The following TENM2 variants were observed in gnomAD, a reference collection of about 807,000 sequenced individuals.
TENM2 encodes teneurin transmembrane protein 2, also known as teneurin-2.
Under a neutral mutation model 245.2 loss-of-function variants are expected in TENM2, and 52 were observed. That is an observed-to-expected ratio of 0.21 (90% CI 0.17 to 0.27). The LOEUF is 0.27. TENM2 is among the 10% of genes least tolerant of loss of function. TENM2 has a pLI of 1.00. For synonymous variants in TENM2, 1,363 were observed against 1,438.9 expected (o/e 0.95, Z 1.19); for missense variants, 3,046 against 3,666.8 (o/e 0.83, Z 4.37).
At chr5:167,342,516 T>TC (rs2127818061) in intron 1 of TENM2, among the ~76,000 whole-genome samples, 1 of 115,436 alleles carries the variant, frequency 8.7e-6, no homozygotes, top group South Asian at 3.3e-4. Flanking sequence ...TCTTTTTTTT[T>TC]TTTTTTTTTT....
intron 3 of TENM2, among the ~76,000 whole-genome samples, chr5:167,883,029 C>T (rs1368978887): frequency 6.6e-6 from 1 of 152,222 alleles, no homozygotes; most frequent in Non-Finnish European, 1.5e-5. Flanking sequence ...ATCCCAATAT[C>T]TGGGACATTG....
chr5:167,724,895 T>C (rs1328698676), intron 2 of TENM2, among the ~76,000 whole-genome samples: 1 of 152,140 alleles, frequency 6.6e-6, no homozygotes, highest in Admixed American at 6.5e-5. Context: ...ACAGGCTGGA[T>C]TACGGCAGGT....
the TENM2 span, among the ~76,000 whole-genome samples, chr5:167,161,310 C>T: frequency 8.5e-5 from 13 of 152,290 alleles, no homozygotes; most frequent in South Asian, 2.7e-3. Flanking sequence ...CGACTATACC[C>T]TGCTTCTCCC....
chr5:167,423,880 T>C (rs182054278), intron 2 of TENM2, among the ~76,000 whole-genome samples: 11 of 152,318 alleles, frequency 7.2e-5, no homozygotes, highest in Non-Finnish European at 2.9e-5. Flanking sequence ...TTCTTCCCAC[T>C]GGAGACCATC....
chr5:168,040,329 T>G (rs1015559337), intron 5 of TENM2, among the ~76,000 whole-genome samples: 7 of 152,216 alleles, frequency 4.6e-5, no homozygotes, highest in Admixed American at 1.3e-4. Flanking sequence ...GCCACGATTC[T>G]GGGATTGTAT....
chr5:167,922,946 G>A (rs1014250747), intron 3 of TENM2, among the ~76,000 whole-genome samples: 5 of 152,210 alleles, frequency 3.3e-5, no homozygotes, highest in Non-Finnish European at 7.3e-5. Context: ...CTTACAGGCC[G>A]AAAACCTGAA....
At chr5:167,974,022 A>AGGGAGGGAG (rs1299828112) in intron 4 of TENM2, among the ~76,000 whole-genome samples, 1 of 66,314 alleles carries the variant, frequency 1.5e-5, no homozygotes, top group African/African-American at 1.1e-4. Context: ...GGAGGGAGGG[A>AGGGAGGGAG]GGAAGGAAGG....
At chr5:167,711,691 CT>C (rs1758923380) in intron 2 of TENM2, among the ~76,000 whole-genome samples, 1 of 152,158 alleles carries the variant, frequency 6.6e-6, no homozygotes, top group Admixed American at 6.5e-5. Flanking sequence ...TTTCCTTCTT[CT>C]CCCATCAGTC....
intron 5 of TENM2, among the ~76,000 whole-genome samples, chr5:168,021,143 A>T (rs911711246): frequency 6.6e-6 from 1 of 152,188 alleles, no homozygotes; most frequent in African/African-American, 2.4e-5. Flanking sequence ...TTTGTGCATG[A>T]CCTTGACCAA....
chr5:168,033,794 A>G (rs1787351183), intron 5 of TENM2, among the ~76,000 whole-genome samples: 1 of 151,966 alleles, frequency 6.6e-6, no homozygotes, highest in Admixed American at 6.6e-5. Flanking sequence ...TGGGATTCTG[A>G]GGTGGGCAGA....
chr5:167,260,188 A>G, the TENM2 span, among the ~76,000 whole-genome samples: 60 of 152,204 alleles, frequency 3.9e-4, no homozygotes, highest in African/African-American at 1.3e-3. Context: ...TCATTAAAAC[A>G]TGCTTAGCTG....
the TENM2 span, among the ~76,000 whole-genome samples, chr5:167,094,528 A>C: frequency 6.6e-6 from 1 of 152,168 alleles, no homozygotes; most frequent in Admixed American, 6.5e-5. Flanking sequence ...CAGAAGAAAA[A>C]AAACAGGCAG....
intron 2 of TENM2, among the ~76,000 whole-genome samples, chr5:167,423,773 C>A (rs1763648862): frequency 6.6e-6 from 1 of 152,160 alleles, no homozygotes; most frequent in African/African-American, 2.4e-5. Context: ...GAATCATTTT[C>A]ATTCACCCTC....
At chr5:167,093,647 G>A in the TENM2 span, among the ~76,000 whole-genome samples, 3 of 152,300 alleles carry the variant, frequency 2.0e-5, no homozygotes, top group African/African-American at 7.2e-5. Context: ...AACAGTCACA[G>A]TCTTGGATGA....
chr5:167,744,193 G>C (rs1761399337), intron 2 of TENM2, among the ~76,000 whole-genome samples: 1 of 152,156 alleles, frequency 6.6e-6, no homozygotes, highest in South Asian at 2.1e-4. Flanking sequence ...TGGAGATTCT[G>C]AGTATACTTA....
At chr5:167,885,851 T>A (rs1225932448) in intron 3 of TENM2, among the ~76,000 whole-genome samples, 2 of 152,156 alleles carry the variant, frequency 1.3e-5, no homozygotes, top group Non-Finnish European at 2.9e-5. Flanking sequence ...GCCCAGCTAA[T>A]TTTTGCATTT....
the TENM2 span, among the ~76,000 whole-genome samples, chr5:167,098,230 T>G: frequency 6.6e-6 from 1 of 152,242 alleles, no homozygotes; most frequent in Non-Finnish European, 1.5e-5. Context: ...TCTGATGGAC[T>G]GAACCCTAAG....
chr5:167,944,845 G>A (rs1340362705), intron 3 of TENM2, among the ~76,000 whole-genome samples: 2 of 152,166 alleles, frequency 1.3e-5, no homozygotes, highest in African/African-American at 4.8e-5. Context: ...CAGTAAAACT[G>A]TTATTTTAAA....
chr5:168,148,847 GATTA>G (rs1229221451), intron 12 of TENM2, among the ~76,000 whole-genome samples: 7 of 151,310 alleles, frequency 4.6e-5, no homozygotes, highest in Non-Finnish European at 1.0e-4. Flanking sequence ...ATGTTTGACA[GATTA>G]ATAAATAAAT....
Sources: allele counts gnomAD v4.1 joint callset (sites outside exome capture counted in the v4.1 genomes callset), GRCh38; gene constraint gnomAD v4.1.1; transcripts MANE v1.5; gene names NCBI Gene and HGNC (gene_info 2026-07-23, HGNC 2026-07-21).